Variants in IL1RAPL2 observed in about 807,000 individuals in gnomAD.
The protein encoded by IL1RAPL2 is interleukin 1 receptor accessory protein like 2, also known as X-linked interleukin-1 receptor accessory protein-like 2.
In IL1RAPL2, 3 loss-of-function variants were observed where a neutral mutation model predicts 44.1. The observed-to-expected ratio is 0.07, with a 90% CI of 0.03 to 0.18. The LOEUF is 0.18. IL1RAPL2 is among the 10% of genes least tolerant of loss of function. The probability of loss-of-function intolerance (pLI) is 1.00; values close to 1 mark genes in which losing one functional copy is unlikely to be tolerated. For synonymous variants in IL1RAPL2, 181 were observed against 178.8 expected (o/e 1.01, Z -0.10); for missense variants, 391 against 496.4 (o/e 0.79, Z 2.02).
At chrX:105,511,456 C>T (rs1433739630) in intron 6 of IL1RAPL2, among the ~76,000 whole-genome samples, 3 of 111,056 alleles carry the variant, frequency 2.7e-5, no homozygotes, top group Non-Finnish European at 5.7e-5. Context: ...ATAGACCTAG[C>T]CCCAGTATGA....
chrX:105,344,158 G>A (rs1225097097), intron 5 of IL1RAPL2, among the ~76,000 whole-genome samples: 1 of 112,296 alleles, frequency 8.9e-6, no homozygotes, highest in African/African-American at 3.2e-5. Flanking sequence ...GCCTCCCAAA[G>A]TGCTGGGATT....
chrX:104,651,309 A>T (rs1299374479), intron 1 of IL1RAPL2, among the ~76,000 whole-genome samples: 2 of 111,623 alleles, frequency 1.8e-5, no homozygotes, highest in Non-Finnish European at 3.8e-5. Context: ...AAGAATAGGG[A>T]GGGGTGAATT....
intron 2 of IL1RAPL2, among the ~76,000 whole-genome samples, chrX:104,770,159 C>T (rs918024472): frequency 2.7e-5 from 3 of 110,769 alleles, no homozygotes; most frequent in East Asian, 2.8e-4. Context: ...TTTGAATTCA[C>T]GGGGCCCCTG....
rs1002024386 is a variant in IL1RAPL2, at chrX:105,539,116, G to A, written c.772+54729G>A. ...ATCATTAAAACAGCCATACTCCCCA[G>A]AGCAAAGTACAGATGCAGTGCTATT... is the stretch of plus-strand genomic sequence containing the variant. On this transcript the variant is annotated intron_variant, in intron 6 of 10. Transcript: ENST00000372582. Among the ~76,000 whole-genome samples the A allele has an allele frequency of 2.7e-5, 3 of 111,020 alleles. No homozygotes were observed. In the Admixed American group the frequency reaches 2.9e-4, roughly 11 times the overall value.
chrX:105,215,385 A>C (rs952853934), intron 3 of IL1RAPL2, among the ~76,000 whole-genome samples: 23 of 111,915 alleles, frequency 2.1e-4, no homozygotes, highest in African/African-American at 7.5e-4. Context: ...TCCTGGACAC[A>C]TACACCCTCC....
intron 3 of IL1RAPL2, among the ~76,000 whole-genome samples, chrX:105,195,999 G>T (rs370584107): frequency 9.0e-6 from 1 of 111,202 alleles, no homozygotes; most frequent in Non-Finnish European, 1.9e-5. Context: ...TTTGTGACTC[G>T]GGCCGGGCGC....
At chrX:105,659,024 G>A (rs1293553013) in intron 6 of IL1RAPL2, among the ~76,000 whole-genome samples, 1 of 109,768 alleles carries the variant, frequency 9.1e-6, no homozygotes, top group Non-Finnish European at 1.9e-5. Flanking sequence ...CTATGTGGGC[G>A]GCTGAGGCAC....
chrX:105,209,862 C>T (rs781843623), intron 3 of IL1RAPL2, among the ~76,000 whole-genome samples: 12 of 111,612 alleles, frequency 1.1e-4, no homozygotes, highest in East Asian at 2.8e-4. Context: ...ACAATTTGTA[C>T]GACCAGAGAG....
At chrX:105,464,867 TACAC>T (rs978715938) in intron 5 of IL1RAPL2, among the ~76,000 whole-genome samples, 1 of 110,700 alleles carries the variant, frequency 9.0e-6, no homozygotes, top group African/African-American at 3.3e-5. Context: ...CACACACTCA[TACAC>T]TAACTCAGAC....
chrX:104,894,156 A>T (rs1204416595), intron 2 of IL1RAPL2, among the ~76,000 whole-genome samples: 1 of 111,973 alleles, frequency 8.9e-6, no homozygotes, highest in East Asian at 2.8e-4. Flanking sequence ...GACATCCGCT[A>T]TTAGTTTGAT....
At chrX:105,052,519 C>T (rs764979348) in intron 2 of IL1RAPL2, among the ~76,000 whole-genome samples, 7 of 111,545 alleles carry the variant, frequency 6.3e-5, no homozygotes, top group South Asian at 7.5e-4. Context: ...AAGACTATAC[C>T]GTGAGCCTGG....
intron 5 of IL1RAPL2, among the ~76,000 whole-genome samples, chrX:105,388,783 T>C (rs1020391064): frequency 8.1e-5 from 9 of 111,422 alleles, no homozygotes; most frequent in Admixed American, 5.7e-4. Flanking sequence ...ATCCACAGTT[T>C]AGTTTTATAT....
At chrX:104,732,987 A>G in intron 2 of IL1RAPL2, among the ~76,000 whole-genome samples, 1 of 112,095 alleles carries the variant, frequency 8.9e-6, no homozygotes, top group Non-Finnish European at 1.9e-5. Flanking sequence ...TTAAAAAATT[A>G]TTTAATGTCT....
At chrX:104,793,162 T>C (rs913504648) in intron 2 of IL1RAPL2, among the ~76,000 whole-genome samples, 1 of 112,339 alleles carries the variant, frequency 8.9e-6, no homozygotes, top group African/African-American at 3.2e-5. Flanking sequence ...CTTTTGTGGC[T>C]CAGGCAGTAG....
intron 2 of IL1RAPL2, among the ~76,000 whole-genome samples, chrX:105,078,808 C>T (rs1602941471): frequency 8.9e-6 from 1 of 112,054 alleles, no homozygotes; most frequent in Non-Finnish European, 1.9e-5. Context: ...AGCGAGGCTC[C>T]ATGGGCATAG....
chrX:104,815,672 A>C (rs2147620857), intron 2 of IL1RAPL2, among the ~76,000 whole-genome samples: 1 of 111,829 alleles, frequency 8.9e-6, no homozygotes, highest in African/African-American at 3.2e-5. Context: ...GATACTGTTT[A>C]GTTCTGTGAT....
intron 1 of IL1RAPL2, among the ~76,000 whole-genome samples, chrX:104,631,093 G>A (rs902451186): frequency 1.8e-5 from 2 of 110,883 alleles, no homozygotes; most frequent in African/African-American, 3.3e-5. Context: ...GCGGTGTTTG[G>A]TTTTTTGTCC....
At chrX:104,814,122 T>A (rs1569319453) in intron 2 of IL1RAPL2, among the ~76,000 whole-genome samples, 1 of 111,586 alleles carries the variant, frequency 9.0e-6, no homozygotes, top group South Asian at 3.8e-4. Flanking sequence ...AGAGGAGCTG[T>A]ACTCAGATAG....
intron 5 of IL1RAPL2, among the ~76,000 whole-genome samples, chrX:105,354,388 A>G (rs1470651669): frequency 9.2e-6 from 1 of 108,276 alleles, no homozygotes; most frequent in Non-Finnish European, 1.9e-5. Context: ...CATTCTCAGC[A>G]AACTATCCCA....
Sources: allele counts gnomAD v4.1 joint callset (sites outside exome capture counted in the v4.1 genomes callset), GRCh38; gene constraint gnomAD v4.1.1; transcripts MANE v1.5; gene names NCBI Gene and HGNC (gene_info 2026-07-23, HGNC 2026-07-21).